The following BTD variants were observed in gnomAD, a reference collection of about 807,000 sequenced individuals.
BTD encodes biotinidase.
A neutral mutation model predicts 17.7 loss-of-function variants in BTD; 13 were observed. The ratio of observed to expected loss-of-function variants is 0.74; its 90% CI spans 0.48 to 1.17. The LOEUF is 1.17. BTD is among the 50% of genes most tolerant of loss of function. The probability of loss-of-function intolerance (pLI) is 0.00; values close to 1 mark genes in which losing one functional copy is unlikely to be tolerated. For synonymous variants in BTD, 240 were observed against 245.2 expected (o/e 0.98, Z 0.20); for missense variants, 674 against 650.4 (o/e 1.04, Z -0.39).
At position 15,706,004 on chromosome 3, in the gene BTD, A is replaced by G. The variant is rs180862952; in HGVS notation, c.400-4056A>G. Among the ~76,000 whole-genome samples, 690 of 151,436 alleles carry G rather than the reference A, an allele frequency of 4.6e-3. 3 individuals carry two copies. Among genetic ancestry groups the G allele is most frequent in the Middle Eastern group, 0.017 (5 of 294 alleles). ...CGACAAAGCAAGATTCCATCTCAAA[A>G]CGAAACAAAACAACAAACAACAAAA... On this transcript the variant is annotated intron_variant, in intron 3 of 3. Transcript: ENST00000672141.
At chr3:15,622,998 A>G (rs2064988400) in intron 1 of BTD, among the ~76,000 whole-genome samples, 1 of 152,244 alleles carries the variant, frequency 6.6e-6, no homozygotes, top group African/African-American at 2.4e-5. Context: ...AGGCTTCACA[A>G]TCATGGCAGA....
intron 3 of BTD, among the ~76,000 whole-genome samples, chr3:15,689,205 T>G (rs778218339): frequency 6.6e-6 from 1 of 152,216 alleles, no homozygotes; most frequent in African/African-American, 2.4e-5. Context: ...TTTTCAGCTC[T>G]TTGGGCCACT....
At chr3:15,622,585 G>A (rs2064977948) in intron 1 of BTD, among the ~76,000 whole-genome samples, 1 of 152,170 alleles carries the variant, frequency 6.6e-6, no homozygotes, top group Non-Finnish European at 1.5e-5. Context: ...TGGTGCTACT[G>A]AATTCAACTA....
intron 1 of BTD, among the ~76,000 whole-genome samples, chr3:15,616,821 T>G (rs550590559): frequency 1.3e-5 from 2 of 152,268 alleles, no homozygotes; most frequent in South Asian, 4.1e-4. Context: ...GTTCAGATCT[T>G]TTGCTTATTT....
intron 1 of BTD, chr3:15,606,440 G>A (rs959098571): frequency 2.6e-5 from 4 of 152,190 alleles, no homozygotes; most frequent in Non-Finnish European, 5.9e-5. Flanking sequence ...TGGATTGACA[G>A]GTTCAAGACT....
chr3:15,709,584 A>G (rs922444423), intron 3 of BTD: 1 of 890,468 alleles, frequency 1.1e-6, no homozygotes, highest in African/African-American at 1.7e-5. Flanking sequence ...TAAATTGTTC[A>G]GTTAATTTTC....
At chr3:15,716,719 T>C (rs755995655), downstream of BTD, among the ~76,000 whole-genome samples, 1 of 152,164 alleles carries the variant, frequency 6.6e-6, no homozygotes, top group Non-Finnish European at 1.5e-5. Flanking sequence ...TAATAATAAT[T>C]TGATTAACAA....
chr3:15,718,079 C>T (rs1360994909), intron 4 of BTD, among the ~76,000 whole-genome samples: 2 of 151,990 alleles, frequency 1.3e-5, no homozygotes, highest in East Asian at 3.8e-4. Flanking sequence ...CTTAATAACA[C>T]CGATTTTACA....
rs539530662 is a variant in BTD at position 15,668,073 on chromosome 3, G to A, written c.399+26016G>A. On this transcript the variant is annotated intron_variant, in intron 3 of 3. Coordinates refer to the BTD transcript ENST00000672141. ...CCCAGGCCCAAAGACAGAAGTTACC[G>A]GGAGGGAGGCTTCAACTCCATCTAA... The A allele has an allele frequency of 2.6e-5, 4 of 152,298 alleles. No individual in the cohort carries two copies. The highest frequency in any genetic ancestry group is 4.8e-5 in the African/African-American group (2 of 41,540). The allele number at this position is 152,298 out of a possible 1,614,324, so 9.4% of individuals were successfully genotyped here.
intron 1 of BTD, chr3:15,606,798 G>GGA (rs1275229358): frequency 6.6e-6 from 1 of 152,218 alleles, no homozygotes; most frequent in Non-Finnish European, 1.5e-5. Flanking sequence ...ACAGGGCCAA[G>GGA]GAGCAAGTCC....
chr3:15,696,367 A>T (rs1575202614), intron 3 of BTD: 5 of 596,768 alleles, frequency 8.4e-6, no homozygotes, highest in Non-Finnish European at 1.4e-5. Context: ...AAAATCATAA[A>T]TGTATTACAC....
At chr3:15,707,005 A>G (rs1189671619) in intron 3 of BTD, among the ~76,000 whole-genome samples, 1 of 152,220 alleles carries the variant, frequency 6.6e-6, no homozygotes, top group Admixed American at 6.5e-5. Flanking sequence ...AATGGTTTTG[A>G]AATTAAAGAG....
At position 15,685,263 on chromosome 3, in the gene BTD, A is replaced by G. The variant is rs2067979248; in HGVS notation, c.400-24797A>G. On this transcript the variant is annotated intron_variant, in intron 3 of 3. Transcript: ENST00000672141. ...CCCAGTGAAGTGCCGTATATCCATG[A>G]TTGTCTGCTGTGGCTGGATTTGCAT... 3 of 1,613,896 alleles carry G rather than the reference A, an allele frequency of 1.9e-6. No homozygotes were observed. In the East Asian group the frequency reaches 6.7e-5, roughly 36 times the overall value.
intron 1 of BTD, among the ~76,000 whole-genome samples, chr3:15,622,104 C>T (rs1172386320): frequency 6.6e-6 from 1 of 152,014 alleles, no homozygotes; most frequent in African/African-American, 2.4e-5. Context: ...TTTCAAAGAA[C>T]CAGAATTTAG....
intron 3 of BTD, among the ~76,000 whole-genome samples, chr3:15,700,738 C>A (rs1221771698): frequency 6.6e-6 from 1 of 152,134 alleles, no homozygotes; most frequent in Non-Finnish European, 1.5e-5. Flanking sequence ...CGCGCCACTG[C>A]ACTCCAGCCT....
chr3:15,677,408 G>C (rs2067056642), intron 3 of BTD: 1 of 1,124,862 alleles, frequency 8.9e-7, no homozygotes, highest in Admixed American at 1.8e-5. Context: ...GTTCATTTTA[G>C]TGAAGTCAAA....
chr3:15,638,400 A>G (rs910096347), intron 2 of BTD, among the ~76,000 whole-genome samples: 2 of 152,218 alleles, frequency 1.3e-5, no homozygotes, highest in Middle Eastern at 3.2e-3. Context: ...TACCCTGCAC[A>G]GATCAGAGAC....
At chr3:15,620,959 C>T (rs894784176) in intron 1 of BTD, among the ~76,000 whole-genome samples, 6 of 152,238 alleles carry the variant, frequency 3.9e-5, no homozygotes, top group Non-Finnish European at 7.3e-5. Context: ...AGTCCAAGGC[C>T]GAAGGCCTGA....
At chr3:15,631,393 T>A in intron 1 of BTD, 1 of 1,409,092 alleles carries the variant, frequency 7.1e-7, no homozygotes, top group Non-Finnish European at 9.6e-7. Context: ...TTATTAAGAA[T>A]GCCTTAATAA....
Sources: allele counts gnomAD v4.1 joint callset (sites outside exome capture counted in the v4.1 genomes callset), GRCh38; gene constraint gnomAD v4.1.1; transcripts MANE v1.5; gene names NCBI Gene and HGNC (gene_info 2026-07-23, HGNC 2026-07-21).